Variants in OTOG observed in about 807,000 individuals in gnomAD.
The protein encoded by OTOG is otogelin.
A neutral mutation model predicts 313.8 loss-of-function variants in OTOG; 296 were observed. That is an observed-to-expected ratio of 0.94 (90% CI 0.86 to 1.04). The LOEUF is 1.04. OTOG is among the 50% of genes least tolerant of loss of function. The probability of loss-of-function intolerance (pLI) is 0.00; values close to 1 mark genes in which losing one functional copy is unlikely to be tolerated. For synonymous variants in OTOG, 1,533 were observed against 1,554.9 expected (o/e 0.99, Z 0.33); for missense variants, 3,948 against 3,840.1 (o/e 1.03, Z -0.74).
At chr11:17,599,255 G>T (rs1318427154) in intron 30 of OTOG, among the ~76,000 whole-genome samples, 1 of 152,070 alleles carries the variant, frequency 6.6e-6, no homozygotes, top group Non-Finnish European at 1.5e-5. Context: ...CCTTCCCACC[G>T]AAGGCTCTTG....
chr11:17,558,948 G>A, intron 10 of OTOG, 104 bp from the exon 11 acceptor site: 1 of 928,316 alleles, frequency 1.1e-6, no homozygotes, highest in Non-Finnish European at 1.7e-6. Flanking sequence ...CCAGCTGGGT[G>A]GAGAGGAGAG....
At chr11:17,561,956 C>T in intron 15 of OTOG, 149 bp downstream of exon 15, 2 of 993,378 alleles carry the variant, frequency 2.0e-6, no homozygotes, top group South Asian at 1.7e-5. Context: ...GACTCCAGCC[C>T]AAGCACCTCT....
chr11:17,586,299 G>A (rs951067039), intron 23 of OTOG, among the ~76,000 whole-genome samples, 175 bp from the exon 24 acceptor site: 2 of 152,204 alleles, frequency 1.3e-5, no homozygotes, highest in Non-Finnish European at 2.9e-5. Flanking sequence ...CAGTTACCAA[G>A]GTCCCTCTGA....
Position 17,613,642 on chromosome 11 carries a change from G to T in OTOG, c.6469G>T (p.Val2157Leu). ...CCTGAACTGGCCCCCGTTCTGTCTG[G>T]TGATGTTGAACATGACTCACTTGGC... ...GHLNWPPFCLVMLNMTHLAHQ... is the reference protein window; with the variant it reads ...GHLNWPPFCLLMLNMTHLAHQ... The change falls in exon 39 of 56, where the codon GTG becomes TTG. Residue 2157 changes from valine (V) to leucine (L), a missense_variant. By Grantham distance (32) the Val-to-Leu change is conservative. Transcript: ENST00000399397. 6.4e-7 allele frequency: 1 copy of T among 1,550,748 alleles called. No individual in the cohort carries two copies.
chr11:17,584,131 C>T (rs139099872), intron 23 of OTOG, among the ~76,000 whole-genome samples: 81 of 152,200 alleles, frequency 5.3e-4, no homozygotes, highest in South Asian at 3.7e-3. Context: ...GAAATACAGT[C>T]GATTTTCACA....
chr11:17,574,315 A>AGTGTGTGT (rs60387184), intron 19 of OTOG, among the ~76,000 whole-genome samples: 1 of 150,812 alleles, frequency 6.6e-6, no homozygotes, highest in African/African-American at 2.4e-5. Context: ...AGGGGGTAGG[A>AGTGTGTGT]GTGTGTGTGT....
At chr11:17,560,914 G>A (rs1315988670) in intron 13 of OTOG, 97 bp downstream of exon 13, 5 of 1,232,522 alleles carry the variant, frequency 4.1e-6, no homozygotes, top group Non-Finnish European at 5.8e-6. Context: ...TGGCGTCGGG[G>A]CACTCACTCA....
intron 19 of OTOG, 27 bp from the exon 20 acceptor site, chr11:17,574,693 G>C (rs1852478584): frequency 6.5e-7 from 1 of 1,541,616 alleles, no homozygotes; most frequent in African/African-American, 1.4e-5. Flanking sequence ...GGGAGACAAA[G>C]CATGCACCAC....
chr11:17,627,457 T>A (rs969450595), intron 39 of OTOG, among the ~76,000 whole-genome samples: 2 of 152,212 alleles, frequency 1.3e-5, no homozygotes, highest in African/African-American at 4.8e-5. Context: ...TTGGTCACAA[T>A]TAATGATCTT....
Position 17,573,278 on chromosome 11 carries a change from C to T in OTOG, c.2281C>T (p.Leu761=). 1 of 1,527,374 alleles carries T rather than the reference C, an allele frequency of 6.5e-7. No individual in the cohort carries two copies. 94.6% of individuals were successfully genotyped at this position (1,527,374 alleles called of 1,614,324 possible). The change falls in exon 19 of 56, where the codon CTG becomes TTG. Residue 761 remains leucine, a synonymous_variant. Transcript: ENST00000399397. ...GCTCCCCGTTGATTTCCGCGCCCGC[C>T]TGCCAGCCTGTGGTGAGTGCCCCAC... ...HGLPVDFRAR[L]PACALSCEAS...
intron 23 of OTOG, among the ~76,000 whole-genome samples, chr11:17,583,808 G>A (rs1015209994): frequency 2.0e-5 from 3 of 151,838 alleles, no homozygotes; most frequent in African/African-American, 4.8e-5. Flanking sequence ...TTGCATTTCC[G>A]AGTAAATTTA....
In OTOG at chr11:17,596,925, C is replaced by T. The variant is rs1229407514; in HGVS notation, c.3600C>T (p.Cys1200=). ...GCAGCCAGGGTGGTGACTGTGAGTGCTTCTGTGCCAGCGTCTCCGCTTATG... is the reference window on the plus strand; with the variant it reads ...GCAGCCAGGGTGGTGACTGTGAGTGTTTCTGTGCCAGCGTCTCCGCTTATG... ...CGCSQGGDCE[C]FCASVSAYAH... is the part of the protein sequence containing the mutation. Residue 1200 remains cysteine, a synonymous_variant, in exon 30 of 56, where the codon TGC becomes TGT. Transcript: ENST00000399397. The T allele has an allele frequency of 3.9e-6, 6 of 1,550,862 alleles. No individual in the cohort carries two copies. Among genetic ancestry groups the T allele is most frequent in the Non-Finnish European group, 5.2e-6 (6 of 1,147,062 alleles).
chr11:17,558,771 T>C (rs1157510813), intron 10 of OTOG, 127 bp downstream of exon 10: 51 of 1,054,370 alleles, frequency 4.8e-5, no homozygotes, highest in Non-Finnish European at 6.8e-5. Flanking sequence ...GAAATTCTTA[T>C]CTGCCTAGGT....
rs1055348299 is a variant in OTOG, at chr11:17,631,806, A to T, written c.6817A>T (p.Ser2273Cys). 1 of 1,550,608 alleles carries T rather than the reference A, an allele frequency of 6.4e-7. No homozygotes were observed. The highest frequency in any genetic ancestry group is 2.4e-5 in the East Asian group (1 of 40,930). The change falls in exon 41 of 56, where the codon AGC (serine) becomes TGC (cysteine). Residue 2273 changes from serine (S) to cysteine (C), a missense_variant. Transcript: ENST00000399397. ...CTTTCTGGACAGCTGGCAGGTGCCC[A>T]GCTCCCTGACCTCAGTGGGCCAGAC... ...APFLDSWQVP[S>C]SLTSVGQTRF...
chr11:17,625,335 A>G (rs1590051026), intron 39 of OTOG, among the ~76,000 whole-genome samples: 1 of 152,296 alleles, frequency 6.6e-6, no homozygotes, highest in East Asian at 1.9e-4. Flanking sequence ...TTCCTTTAAC[A>G]CGTAGTTTAT....
rs1421905519 is a variant in OTOG at position 17,602,299 on chromosome 11, G to A, written c.3799G>A (p.Val1267Met). ...MKAVGDDIVLVRTEDVAPADI... is the reference protein window; with the variant it reads ...MKAVGDDIVLMRTEDVAPADI... The stretch of plus-strand genomic sequence containing the variant: ...GGCGGTGGGCGATGACATAGTCCTA[G>A]TGAGGACAGAGGATGTGGCGCCAGC... The change falls in exon 32 of 56, where the codon GTG becomes ATG. Residue 1267 changes from valine to methionine, a missense_variant. By Grantham distance (21) the Val-to-Met change is conservative. Transcript: ENST00000399397. 1 of 1,550,492 alleles carries A rather than the reference G, an allele frequency of 6.4e-7. No individual in the cohort carries two copies. The highest frequency in any genetic ancestry group is 8.7e-7 in the Non-Finnish European group (1 of 1,146,968).
In OTOG at chr11:17,602,616, C is replaced by T. The variant is rs145542499; in HGVS notation, c.3877+239C>T. ...GGCCCAGGTGTGCCTCTGTACCTTG[C>T]TGTATGCAATAGCTGTGTTCCAGAA... On this transcript the variant is annotated intron_variant, in intron 32 of 55. Coordinates refer to ENST00000399397, the MANE Select transcript of OTOG (RefSeq NM_001292063.2). 2.6e-3 allele frequency among the ~76,000 whole-genome samples: 392 copies of T among 152,288 alleles called. 6 individuals carry two copies. In the Middle Eastern group the frequency reaches 0.027, roughly 11 times the overall value.
In OTOG at chr11:17,612,317, C is replaced by G. The variant is rs964199610; in HGVS notation, c.6279C>G (p.Leu2093=). The G allele has an allele frequency of 3.4e-5, 52 of 1,535,544 alleles. No homozygotes were observed. The African/African-American group carries it at 7.0e-4, about 21-fold the overall frequency. ...VRVGGDRCCP[L]WECACRCSIF... ...TGGGTGGGGACCGCTGCTGCCCACT[C>G]TGGGAGTGTGCCTGTGAGTCATGGG... The change falls in exon 37 of 56, where the codon CTC becomes CTG. Residue 2093 remains leucine (L), a synonymous_variant. Transcript: ENST00000399397.
At chr11:17,613,778 C>A in intron 39 of OTOG, 77 bp downstream of exon 39, 5 of 1,174,398 alleles carry the variant, frequency 4.3e-6, no homozygotes, top group Non-Finnish European at 4.9e-6. Flanking sequence ...GGTGGAGGGG[C>A]TGTGAGGCTG....
Sources: allele counts gnomAD v4.1 joint callset (sites outside exome capture counted in the v4.1 genomes callset), GRCh38; gene constraint gnomAD v4.1.1; transcripts MANE v1.5; gene names NCBI Gene and HGNC (gene_info 2026-07-23, HGNC 2026-07-21).